The following UNC80 variants were observed in gnomAD, a reference collection of about 807,000 sequenced individuals.
The protein encoded by UNC80 is protein unc-80 homolog.
A neutral mutation model predicts 384.6 loss-of-function variants in UNC80; 164 were observed. The ratio of observed to expected loss-of-function variants is 0.43; its 90% CI spans 0.38 to 0.49. The LOEUF (loss-of-function observed/expected upper bound fraction) is 0.49. Among genes scored for constraint, UNC80 ranks in the 20% least tolerant of loss-of-function variants. The probability of loss-of-function intolerance (pLI) is 0.00; values close to 1 mark genes in which losing one functional copy is unlikely to be tolerated. For synonymous variants in UNC80, 1,486 were observed against 1,527.8 expected, an observed-to-expected ratio of 0.97 and a Z score of 0.64; for missense variants, 3,330 against 4,143.0, an observed-to-expected ratio of 0.80 and a Z score of 5.39.
At position 209,896,336 on chromosome 2, in the gene UNC80, G is replaced by A; in HGVS notation, c.4504G>A (p.Glu1502Lys). ...AGAAGGGAGTCCTTGGAGTGCAAGC[G>A]AGCCCAGCATTGAGCCAGAGGGAAT... ...DLEGSPWSAS[E>K]PSIEPEGMSN... The change falls in exon 28 of 65, where the codon GAG becomes AAG. Residue 1502 changes from glutamate to lysine, a missense_variant. By Grantham distance (56) the Glu-to-Lys change is moderately conservative. Around this residue, in one of 8 missense-constraint regions of UNC80, gnomAD observed 801 missense variants for 950.8 expected, o/e 0.84. Transcript: ENST00000673920. 10 of 1,551,618 alleles carry A rather than the reference G, an allele frequency of 6.4e-6. No individual in the cohort carries two copies. The highest frequency in any genetic ancestry group is 2.4e-5 in the East Asian group (1 of 40,900).
At chr2:209,949,120 A>G (rs761061511) in intron 47 of UNC80, among the ~76,000 whole-genome samples, 56 of 152,180 alleles carry the variant, frequency 3.7e-4, no homozygotes, top group Admixed American at 5.9e-4. Context: ...CATTTTTACA[A>G]CTATGTTAAT....
In UNC80 at chr2:209,818,902, T is replaced by C. The variant is rs1197639592; in HGVS notation, c.1694-91T>C. 5.1e-6 allele frequency: 7 copies of C among 1,383,200 alleles called. No homozygotes were observed. The African/African-American group carries it at 5.8e-5, about 12-fold the overall frequency. 85.7% of individuals were successfully genotyped at this position (1,383,200 alleles called of 1,614,324 possible). A position where few individuals can be genotyped will look rare whatever the true frequency, so the allele number is the denominator to read the frequency against. ...ATATTTTCAAAAACTACAGCTGTTA[T>C]TGTGGTCATGATTGAAGTAATAGTA... On this transcript the variant is annotated intron_variant, in intron 11 of 64. Coordinates refer to ENST00000673920, the MANE Select transcript of UNC80 (RefSeq NM_001371986.1).
intron 51 of UNC80, 37 bp from the exon 52 acceptor site, chr2:209,967,400 A>G: frequency 7.3e-7 from 1 of 1,378,156 alleles, no homozygotes; most frequent in Non-Finnish European, 9.5e-7. Flanking sequence ...TTCTAAGCTT[A>G]TACTTTAAAA....
Position 209,839,178 on chromosome 2 carries a change from C to T in UNC80, c.3042-44C>T, listed in dbSNP as rs1292464757. 2 of 1,507,456 alleles carry T rather than the reference C, an allele frequency of 1.3e-6. No homozygotes were observed. Among genetic ancestry groups the T allele is most frequent in the African/African-American group, 1.4e-5 (1 of 71,902 alleles). The allele number at this position is 1,507,456 out of a possible 1,614,324, so 93.4% of individuals were successfully genotyped here. ...ATGAAAGAAATTTAGGAGAATTTCT[C>T]AAGTGTTGTCAGAAGTTTAACCCTA... On this transcript the variant is annotated intron_variant, in intron 18 of 64. Coordinates refer to ENST00000673920, the MANE Select transcript of UNC80 (RefSeq NM_001371986.1). This position sits in a 1 kb window ranked among gnomAD's most constrained non-coding sequence, Gnocchi z 4.1.
chr2:209,916,813 C>T (rs1259718562), intron 31 of UNC80, among the ~76,000 whole-genome samples: 1 of 152,168 alleles, frequency 6.6e-6, no homozygotes, highest in Non-Finnish European at 1.5e-5. Flanking sequence ...AACTACATTG[C>T]CTCTATTTTT....
chr2:209,935,918 G>A (rs1202645592), intron 40 of UNC80, 110 bp downstream of exon 40: 4 of 640,260 alleles, frequency 6.2e-6, no homozygotes, highest in African/African-American at 3.9e-5. Context: ...ATGGATGTAT[G>A]CATTTCTTTA....
At chr2:209,903,308 A>G (rs917698654) in intron 28 of UNC80, among the ~76,000 whole-genome samples, 1 of 86,792 alleles carries the variant, frequency 1.2e-5, no homozygotes, top group Non-Finnish European at 2.4e-5. Context: ...TACAATATAT[A>G]TATTATATTA....
chr2:209,796,048 C>T (rs757694872), intron 7 of UNC80: 5 of 152,228 alleles, frequency 3.3e-5, no homozygotes, highest in Non-Finnish European at 7.3e-5. Context: ...AGACACTCAA[C>T]ACCAGCCTGT....
At chr2:209,854,796 A>G (rs925928242) in intron 22 of UNC80, among the ~76,000 whole-genome samples, 3 of 152,156 alleles carry the variant, frequency 2.0e-5, no homozygotes, top group African/African-American at 7.2e-5. Flanking sequence ...TCAAGAAACA[A>G]CAGATGCTGG....
At chr2:209,973,339 T>C (rs79196805) in intron 56 of UNC80, 69 bp downstream of exon 56, 36,230 of 1,278,112 alleles carry the variant, frequency 0.028, 1,134 homozygotes, top group South Asian at 0.14. Context: ...AATATATGTG[T>C]AGATAGATAG....
At chr2:209,961,675 A>G (rs2092595013) in intron 51 of UNC80, among the ~76,000 whole-genome samples, 1 of 152,202 alleles carries the variant, frequency 6.6e-6, no homozygotes, top group Admixed American at 6.5e-5. Flanking sequence ...AAGATTAATT[A>G]CAAAATCATA....
rs1245802051 is a variant in UNC80 at position 209,875,706 on chromosome 2, ACATAGT to A, written c.3841-2247_3841-2242del. Reference sequence around the variant, plus strand: ...GTGGCCCCTCTGTCAGTCTCTCAGCACATAGTGCATTTCCATGAACATAAATCTTTC... The same window carrying A: ...GTGGCCCCTCTGTCAGTCTCTCAGCAGCATTTCCATGAACATAAATCTTTC... On this transcript the variant is annotated intron_variant, in intron 23 of 64. Transcript: ENST00000673920. 2.4e-4 allele frequency among the ~76,000 whole-genome samples: 36 copies of A among 152,334 alleles called. No individual in the cohort carries two copies. In the East Asian group the frequency reaches 7.0e-3, roughly 29 times the overall value.
chr2:209,991,342 T>A (rs1456067433), intron 61 of UNC80, among the ~76,000 whole-genome samples: 4 of 152,202 alleles, frequency 2.6e-5, no homozygotes, highest in Non-Finnish European at 2.9e-5. Context: ...TATAAATACC[T>A]TTTATACATG....
At chr2:209,845,336 C>T (rs564160713) in intron 21 of UNC80, 13 of 152,266 alleles carry the variant, frequency 8.5e-5, no homozygotes, top group African/African-American at 3.1e-4. Context: ...AGATTTTTCT[C>T]CTTGGTGGAA....
At chr2:209,980,218 A>G (rs758200094) in intron 59 of UNC80, among the ~76,000 whole-genome samples, 1 of 152,246 alleles carries the variant, frequency 6.6e-6, no homozygotes, top group Non-Finnish European at 1.5e-5. Flanking sequence ...CTTAAAGAAA[A>G]TCAATTTTTT....
intron 21 of UNC80, among the ~76,000 whole-genome samples, chr2:209,847,223 A>G (rs1178999408): frequency 6.6e-6 from 1 of 151,992 alleles, no homozygotes; most frequent in Non-Finnish European, 1.5e-5. Context: ...CAACAGACCC[A>G]TACACCCCAA....
At chr2:209,961,698 TAAAAAC>T (rs2092596052) in intron 51 of UNC80, among the ~76,000 whole-genome samples, 1 of 152,106 alleles carries the variant, frequency 6.6e-6, no homozygotes, top group Non-Finnish European at 1.5e-5. Context: ...ATAAATAAGT[TAAAAAC>T]AAAACAGTTG....
chr2:209,852,802 T>C (rs7584039), intron 22 of UNC80, among the ~76,000 whole-genome samples: 26,994 of 152,138 alleles, frequency 0.18, 3,271 homozygotes, highest in African/African-American at 0.34. Flanking sequence ...TTTGTTTCCT[T>C]TGTATTTGGT....
chr2:209,921,001 T>A (rs1199321318), intron 33 of UNC80, among the ~76,000 whole-genome samples: 1 of 152,086 alleles, frequency 6.6e-6, no homozygotes, highest in Non-Finnish European at 1.5e-5. Flanking sequence ...CTAATTTTTG[T>A]ATTTTTAGTA....
Sources: gnomAD v4.1 joint callset for allele counts (sites outside exome capture counted in the v4.1 genomes callset) on GRCh38, gnomAD v4.1.1 for gene constraint, gnomAD v4.1.1 regional missense constraint, Gnocchi (gnomAD v3.1) non-coding constraint, MANE v1.5 for transcripts, NCBI Gene and HGNC (gene_info 2026-07-23, HGNC 2026-07-21) for gene names.